MYO5A: variants seen among roughly 807,000 people sequenced by gnomAD.
MYO5A encodes myosin VA, also known as unconventional myosin-Va.
MYO5A carries 98 observed loss-of-function variants against 249.7 expected under a neutral mutation model. That is an observed-to-expected ratio of 0.39 (90% CI 0.33 to 0.46). The LOEUF is 0.46. MYO5A is among the 20% of genes least tolerant of loss of function. The pLI is 0.98. For missense variants in MYO5A, 1,696 were observed against 2,308.8 expected (o/e 0.73, Z 5.44); for synonymous variants, 778 against 810.6 (o/e 0.96, Z 0.68).
At chr15:52,348,447 A>G (rs946728174) in intron 29 of MYO5A, among the ~76,000 whole-genome samples, 5 of 152,168 alleles carry the variant, frequency 3.3e-5, no homozygotes, top group African/African-American at 1.2e-4. Flanking sequence ...CTTCACCCTT[A>G]ACCAACAAGC....
chr15:52,319,592 G>A (rs542355998), intron 38 of MYO5A, among the ~76,000 whole-genome samples: 17 of 152,222 alleles, frequency 1.1e-4, no homozygotes, highest in South Asian at 4.1e-4. Flanking sequence ...TTAGCCAGGC[G>A]TGGTAGCGTG....
intron 28 of MYO5A, among the ~76,000 whole-genome samples, chr15:52,349,247 A>G (rs1443665167): frequency 6.6e-6 from 1 of 152,188 alleles, no homozygotes; most frequent in Non-Finnish European, 1.5e-5. Context: ...GGTGGAGCCA[A>G]TACACAAGAC....
At chr15:52,528,675 G>A in intron 1 of MYO5A, 105 bp downstream of exon 1, 1 of 1,320,710 alleles carries the variant, frequency 7.6e-7, no homozygotes, top group Non-Finnish European at 1.0e-6. Flanking sequence ...GATGGCGCTG[G>A]TGGGGCTCGC....
At position 52,476,859 on chromosome 15, in the gene MYO5A, C is replaced by G. The variant is rs527543430; in HGVS notation, c.28-43574G>C. 5.3e-5 allele frequency among the ~76,000 whole-genome samples: 8 copies of G among 152,260 alleles called. No individual in the cohort carries two copies. In the South Asian group the frequency reaches 1.5e-3, roughly 28 times the overall value. On this transcript the variant is annotated intron_variant, in intron 1 of 41. Coordinates refer to ENST00000399233, the MANE Select transcript of MYO5A (RefSeq NM_001382347.1). Reference sequence around the variant, plus strand: ...TTCATTTCAACTTTGGTGAATCTGACAATTATGTGTCTTGGGGTTGTTCTT... The same window carrying G: ...TTCATTTCAACTTTGGTGAATCTGAGAATTATGTGTCTTGGGGTTGTTCTT...
At chr15:52,527,010 A>AT (rs1446183912) in intron 1 of MYO5A, among the ~76,000 whole-genome samples, 2 of 146,942 alleles carry the variant, frequency 1.4e-5, no homozygotes, top group East Asian at 3.9e-4. Context: ...ATGATAAATG[A>AT]TGAGCTAAAA....
chr15:52,437,402 C>G (rs1219538920), intron 1 of MYO5A, among the ~76,000 whole-genome samples: 1 of 151,992 alleles, frequency 6.6e-6, no homozygotes, highest in African/African-American at 2.4e-5. Flanking sequence ...AGAGACCAGC[C>G]TGACCAACAT....
intron 1 of MYO5A, among the ~76,000 whole-genome samples, chr15:52,494,823 G>A (rs773581868): frequency 7.2e-5 from 11 of 152,080 alleles, no homozygotes; most frequent in Non-Finnish European, 1.3e-4. Flanking sequence ...TAGGTGCTAG[G>A]TGCCAAGCTA....
chr15:52,319,720 G>C (rs1193435960), intron 38 of MYO5A, among the ~76,000 whole-genome samples: 9 of 152,108 alleles, frequency 5.9e-5, no homozygotes, highest in Admixed American at 5.9e-4. Context: ...GACAGAGAGA[G>C]ACTCCATTTC....
intron 11 of MYO5A, among the ~76,000 whole-genome samples, chr15:52,393,399 T>A (rs547025412): frequency 1.3e-5 from 2 of 151,648 alleles, no homozygotes; most frequent in Admixed American, 6.5e-5. Context: ...TTTTTTCTTT[T>A]CTTTTTTTTT....
chr15:52,397,139 G>T, intron 10 of MYO5A, 62 bp downstream of exon 10: 1 of 1,576,082 alleles, frequency 6.3e-7, no homozygotes. Context: ...CCCACTTAGA[G>T]TTACTAGATA....
intron 29 of MYO5A, 24 bp downstream of exon 29, chr15:52,348,793 TA>T (rs11386962): frequency 3.7e-3 from 4,508 of 1,215,556 alleles, no homozygotes; most frequent in African/African-American, 0.017. Flanking sequence ...AAGTATTTAC[TA>T]AAAAAAAAAA....
At chr15:52,511,079 T>A (rs1027620204) in intron 1 of MYO5A, among the ~76,000 whole-genome samples, 1 of 152,216 alleles carries the variant, frequency 6.6e-6, no homozygotes, top group Non-Finnish European at 1.5e-5. Context: ...AGGCAACTTC[T>A]GCATGGTCCA....
chr15:52,528,529 T>C (rs1159426917), intron 1 of MYO5A, among the ~76,000 whole-genome samples: 1 of 152,124 alleles, frequency 6.6e-6, no homozygotes, highest in Non-Finnish European at 1.5e-5. Flanking sequence ...TGCCCCCAGC[T>C]CGAGCAGCGC....
intron 3 of MYO5A, 23 bp downstream of exon 3, chr15:52,428,375 T>C (rs1251476011): frequency 1.2e-6 from 2 of 1,605,288 alleles, no homozygotes; most frequent in South Asian, 2.2e-5. Context: ...CCACAGTCTA[T>C]TCGGAAAGCA....
intron 1 of MYO5A, among the ~76,000 whole-genome samples, chr15:52,474,939 T>C (rs1462510446): frequency 6.6e-6 from 1 of 152,240 alleles, no homozygotes; most frequent in East Asian, 1.9e-4. Flanking sequence ...TTTCTATTGA[T>C]TGGAATAGTT....
intron 1 of MYO5A, among the ~76,000 whole-genome samples, chr15:52,450,435 G>C (rs990324823): frequency 6.6e-6 from 1 of 152,010 alleles, no homozygotes; most frequent in African/African-American, 2.4e-5. Flanking sequence ...AGGAGGCTGA[G>C]GTGGGCAGAT....
intron 1 of MYO5A, among the ~76,000 whole-genome samples, chr15:52,489,561 T>TA (rs757979547): frequency 0.06 from 5,925 of 99,034 alleles, 393 homozygotes; most frequent in African/African-American, 0.2. Context: ...AGACTTTGTC[T>TA]AAAAAAAAAA....
intron 40 of MYO5A, among the ~76,000 whole-genome samples, chr15:52,316,512 T>C (rs1217373409): frequency 6.6e-6 from 1 of 152,208 alleles, no homozygotes; most frequent in East Asian, 1.9e-4. Context: ...TACGACTCTG[T>C]CTTCCCTACT....
chr15:52,432,096 G>A (rs920789330), intron 2 of MYO5A, among the ~76,000 whole-genome samples: 1 of 151,744 alleles, frequency 6.6e-6, no homozygotes, highest in African/African-American at 2.4e-5. Flanking sequence ...AAATACCCAT[G>A]AGCCCATAAT....
Sources: allele counts gnomAD v4.1 joint callset (sites outside exome capture counted in the v4.1 genomes callset), GRCh38; gene constraint gnomAD v4.1.1; transcripts MANE v1.5; gene names NCBI Gene and HGNC (gene_info 2026-07-23, HGNC 2026-07-21).